The following PCLO variants were observed in gnomAD, a reference collection of about 807,000 sequenced individuals.
The protein encoded by PCLO is piccolo presynaptic cytomatrix protein.
Under a neutral mutation model 427.5 loss-of-function variants are expected in PCLO, and 82 were observed. That is an observed-to-expected ratio of 0.19 (90% CI 0.16 to 0.23). The LOEUF (loss-of-function observed/expected upper bound fraction) is 0.23, where lower values mean the gene tolerates loss of function less well. Ranked by LOEUF, PCLO falls within the 10% of genes least tolerant of loss-of-function variation. The pLI, the probability that PCLO is intolerant of heterozygous loss-of-function variation, is 1.00. For missense variants in PCLO, 6,239 were observed against 6,115.9 expected (o/e 1.02, Z -0.67); for synonymous variants, 2,357 against 2,155.4 (o/e 1.09, Z -2.59).
intron 24 of PCLO, 103 bp from the exon 25 acceptor site, chr7:82,758,818 C>T (rs564024124): frequency 6.9e-5 from 45 of 655,026 alleles, no homozygotes; most frequent in African/African-American, 5.0e-4. Flanking sequence ...AGACATAGCA[C>T]GAAAGAGGGT....
chr7:83,090,889 G>A (rs1252012581), intron 3 of PCLO, among the ~76,000 whole-genome samples: 1 of 151,990 alleles, frequency 6.6e-6, no homozygotes, highest in African/African-American at 2.4e-5. Flanking sequence ...CCTATTAGGA[G>A]TACTTCCTTT....
intron 3 of PCLO, among the ~76,000 whole-genome samples, chr7:83,079,904 GTT>G: frequency 4.6e-5 from 7 of 151,316 alleles, no homozygotes; most frequent in African/African-American, 1.7e-4. Context: ...CCCCAATGTT[GTT>G]GTTCCCCTCC....
At chr7:82,890,647 T>C (rs960950028) in intron 9 of PCLO, among the ~76,000 whole-genome samples, 3 of 146,588 alleles carry the variant, frequency 2.0e-5, no homozygotes, top group Admixed American at 1.3e-4. Flanking sequence ...TTGTTGTAGT[T>C]GCTTTTTTAA....
At chr7:83,127,637 C>A (rs34214583) in intron 3 of PCLO, among the ~76,000 whole-genome samples, 74,692 of 151,788 alleles carry the variant, frequency 0.49, 19,284 homozygotes, top group East Asian at 0.69. Context: ...TGATATATTC[C>A]ATTTGTAATA....
chr7:82,899,072 C>T (rs1214410064), intron 9 of PCLO, among the ~76,000 whole-genome samples: 1 of 151,332 alleles, frequency 6.6e-6, no homozygotes, highest in African/African-American at 2.4e-5. Context: ...AGCACTATCT[C>T]ATGTAGTTAT....
At chr7:82,851,153 C>G (rs1321532327) in intron 10 of PCLO, among the ~76,000 whole-genome samples, 1 of 151,874 alleles carries the variant, frequency 6.6e-6, no homozygotes, top group Non-Finnish European at 1.5e-5. Context: ...GGAAGGCAAT[C>G]TGGCAGAATG....
chr7:83,093,235 T>C lies in PCLO; in HGVS notation c.3300+41015A>G, dbSNP rs551151309. Among the ~76,000 whole-genome samples, 46 of 151,534 alleles carry C rather than the reference T, an allele frequency of 3.0e-4. No individual in the cohort carries two copies. The South Asian group carries it at 9.5e-3, about 31-fold the overall frequency. ...GAGCAAAATGTTTCCATATTCAAAA[T>C]CAATAAATGTTGTCTTAATGTATAA... is the stretch of plus-strand genomic sequence containing the variant. On this transcript the variant is annotated intron_variant, in intron 3 of 24. Transcript: ENST00000333891.
chr7:82,954,580 G>A lies in PCLO; in HGVS notation c.6373C>T (p.Leu2125Phe), dbSNP rs375306180. The part of the protein sequence containing the change: ...SLTDSTSSAT[L>F]SIPDVKITQH... The stretch of plus-strand genomic sequence containing the variant: ...GTTATTTTAACATCTGGGATAGAGA[G>A]TGTTGCACTGCTGGTCGAATCTGTA... Residue 2125 changes from leucine to phenylalanine, a missense_variant, in exon 5 of 25, where the codon CTC becomes TTC. This residue lies in a region of PCLO where 4,677 missense variants were observed against 4,468.4 expected (regional missense o/e 1.05). Transcript: ENST00000333891. 132 of 1,613,786 alleles carry A rather than the reference G, an allele frequency of 8.2e-5. No homozygotes were observed. The highest frequency in any genetic ancestry group is 1.1e-4 in the Non-Finnish European group (126 of 1,179,838).
chr7:82,762,135 A>T (rs545164638), intron 22 of PCLO, among the ~76,000 whole-genome samples: 1 of 152,204 alleles, frequency 6.6e-6, no homozygotes, highest in East Asian at 1.9e-4. Flanking sequence ...TTGGGAAGAA[A>T]ACCATTCATC....
At chr7:82,920,152 T>C (rs1484336538) in intron 6 of PCLO, among the ~76,000 whole-genome samples, 1 of 151,904 alleles carries the variant, frequency 6.6e-6, no homozygotes. Flanking sequence ...CAACTAGTTA[T>C]TTAATTCTAA....
intron 2 of PCLO, among the ~76,000 whole-genome samples, chr7:83,147,743 T>A (rs1156874136): frequency 1.3e-5 from 2 of 152,188 alleles, no homozygotes; most frequent in Admixed American, 1.3e-4. Context: ...CCAGTGTTAA[T>A]TTTAGTTATA....
intron 12 of PCLO, 97 bp from the exon 13 acceptor site, chr7:82,845,582 A>G: frequency 1.3e-6 from 1 of 764,116 alleles, no homozygotes; most frequent in East Asian, 2.7e-5. Flanking sequence ...GTAAAACATT[A>G]CCTATAAAAT....
At chr7:82,789,682 G>A (rs1016412580) in intron 22 of PCLO, among the ~76,000 whole-genome samples, 1 of 152,164 alleles carries the variant, frequency 6.6e-6, no homozygotes, top group African/African-American at 2.4e-5. Context: ...TCCAGCCTGG[G>A]CAATAAAGTG....
intron 1 of PCLO, among the ~76,000 whole-genome samples, chr7:83,162,074 A>C (rs1792452527): frequency 6.6e-6 from 1 of 152,206 alleles, no homozygotes; most frequent in Non-Finnish European, 1.5e-5. Flanking sequence ...GCCATCCTAG[A>C]GGGGAAGGGC....
At chr7:82,840,228 A>T (rs1217085602) in intron 14 of PCLO, among the ~76,000 whole-genome samples, 3 of 152,096 alleles carry the variant, frequency 2.0e-5, no homozygotes, top group African/African-American at 7.2e-5. Context: ...AATAGCAGAG[A>T]AACAGCCGGA....
chr7:82,865,159 T>C (rs564001911), intron 10 of PCLO, among the ~76,000 whole-genome samples: 2 of 151,664 alleles, frequency 1.3e-5, no homozygotes, highest in Non-Finnish European at 2.9e-5. Flanking sequence ...TTACAAATGA[T>C]AGAAATAAAA....
chr7:82,999,264 T>C (rs1787715491), intron 3 of PCLO, among the ~76,000 whole-genome samples: 1 of 143,862 alleles, frequency 7.0e-6, no homozygotes, highest in Admixed American at 7.2e-5. Context: ...ATATAATAAA[T>C]ATTACATATT....
At chr7:82,761,021 T>C (rs1219233181) in intron 23 of PCLO, among the ~76,000 whole-genome samples, 2 of 127,964 alleles carry the variant, frequency 1.6e-5, no homozygotes, top group Non-Finnish European at 3.2e-5. Flanking sequence ...GCCAGATAAC[T>C]CACTTAACTT....
intron 3 of PCLO, among the ~76,000 whole-genome samples, chr7:82,996,100 G>C (rs1266716338): frequency 6.6e-6 from 1 of 151,536 alleles, no homozygotes; most frequent in Non-Finnish European, 1.5e-5. Flanking sequence ...CATTAAAATT[G>C]TGTAAAATAT....
Sources: gnomAD v4.1 joint callset for allele counts (sites outside exome capture counted in the v4.1 genomes callset) on GRCh38, gnomAD v4.1.1 for gene constraint, gnomAD v4.1.1 regional missense constraint, MANE v1.5 for transcripts, NCBI Gene and HGNC (gene_info 2026-07-23, HGNC 2026-07-21) for gene names.